LIN9: variants seen among roughly 807,000 people sequenced by gnomAD.
LIN9 encodes protein lin-9 homolog.
In LIN9, 18 loss-of-function variants were observed where a neutral mutation model predicts 78.0. That is an observed-to-expected ratio of 0.23 (90% CI 0.16 to 0.34). The LOEUF (loss-of-function observed/expected upper bound fraction) is 0.34, where lower values mean the gene tolerates loss of function less well. LIN9 is among the 10% of genes least tolerant of loss of function. The probability of loss-of-function intolerance (pLI) is 1.00; values close to 1 mark genes in which losing one functional copy is unlikely to be tolerated. For missense variants in LIN9, 451 were observed against 644.1 expected (o/e 0.70, Z 3.25); for synonymous variants, 192 against 215.2 (o/e 0.89, Z 0.94).
chr1:226,271,547 ATGTATTCTGCAGT>A (rs985250461), intron 7 of LIN9, among the ~76,000 whole-genome samples: 4 of 152,192 alleles, frequency 2.6e-5, no homozygotes, highest in African/African-American at 9.7e-5. Flanking sequence ...TGTAAATAAT[ATGTATTCTGCAGT>A]TGAGTGTATT....
intron 10 of LIN9, among the ~76,000 whole-genome samples, chr1:226,258,706 C>T (rs771699314): frequency 2.7e-5 from 4 of 150,728 alleles, no homozygotes; most frequent in South Asian, 2.1e-4. Flanking sequence ...CTGGCTAACA[C>T]GGTGAAACCC....
At chr1:226,302,686 G>A (rs746106547) in intron 1 of LIN9, among the ~76,000 whole-genome samples, 1 of 152,126 alleles carries the variant, frequency 6.6e-6, no homozygotes, top group African/African-American at 2.4e-5. Context: ...GATGATCTCA[G>A]GGGATTAAAT....
chr1:226,257,736 AAG>A (rs1220344941), intron 10 of LIN9, among the ~76,000 whole-genome samples: 1 of 152,210 alleles, frequency 6.6e-6, no homozygotes, highest in African/African-American at 2.4e-5. Context: ...AACACAAAAA[AAG>A]AGTGGAATAT....
chr1:226,297,880 G>GT (rs1662255188), intron 2 of LIN9, 67 bp from the exon 3 acceptor site: 5 of 734,556 alleles, frequency 6.8e-6, no homozygotes, highest in Non-Finnish European at 1.0e-5. Flanking sequence ...CATGAATACT[G>GT]TTTTTTTCAT....
chr1:226,246,879 G>A (rs1414896693), intron 11 of LIN9, among the ~76,000 whole-genome samples: 3 of 151,460 alleles, frequency 2.0e-5, no homozygotes, highest in Non-Finnish European at 4.4e-5. Context: ...ATTTATCTGT[G>A]GCTTGTTGCC....
intron 7 of LIN9, among the ~76,000 whole-genome samples, chr1:226,269,647 A>G (rs926330878): frequency 2.6e-5 from 4 of 152,196 alleles, no homozygotes; most frequent in Non-Finnish European, 5.9e-5. Flanking sequence ...TTGACTGGTC[A>G]TGAAAGACAG....
At chr1:226,248,290 T>G (rs1175961204) in intron 11 of LIN9, among the ~76,000 whole-genome samples, 4 of 152,226 alleles carry the variant, frequency 2.6e-5, no homozygotes, top group Non-Finnish European at 5.9e-5. Context: ...TCATCATATT[T>G]GCCAACTCTG....
chr1:226,243,549 A>G (rs1658249343), intron 11 of LIN9, among the ~76,000 whole-genome samples: 1 of 151,976 alleles, frequency 6.6e-6, no homozygotes, highest in Non-Finnish European at 1.5e-5. Flanking sequence ...ACACAAAATT[A>G]GCTGGGCGTG....
chr1:226,305,918 A>G (rs1454943637), intron 1 of LIN9, among the ~76,000 whole-genome samples: 2 of 152,130 alleles, frequency 1.3e-5, no homozygotes, highest in Admixed American at 6.6e-5. Context: ...TGGTAAAGAG[A>G]AGAAATGGTA....
chr1:226,293,651 C>G (rs1661934158), intron 4 of LIN9, among the ~76,000 whole-genome samples: 1 of 152,152 alleles, frequency 6.6e-6, no homozygotes, highest in South Asian at 2.1e-4. Flanking sequence ...GTGATCTCGG[C>G]TCACTGCAAC....
chr1:226,261,635 TAA>T (rs1342502216), intron 10 of LIN9, among the ~76,000 whole-genome samples: 2 of 152,078 alleles, frequency 1.3e-5, no homozygotes, highest in African/African-American at 4.8e-5. Context: ...ACTAAATAAA[TAA>T]GAGATATTTC....
chr1:226,289,214 G>A (rs147560531), intron 4 of LIN9, among the ~76,000 whole-genome samples: 205 of 151,342 alleles, frequency 1.4e-3, no homozygotes, highest in African/African-American at 4.7e-3. Context: ...CAGCCTGGGC[G>A]ACAGAGTGAG....
intron 11 of LIN9, among the ~76,000 whole-genome samples, chr1:226,240,250 T>G (rs927630165): frequency 6.6e-6 from 1 of 152,200 alleles, no homozygotes. Flanking sequence ...GTGGTTTTGT[T>G]GTTGTTGTTT....
intron 6 of LIN9, among the ~76,000 whole-genome samples, 169 bp downstream of exon 6, chr1:226,286,164 G>A (rs927727016): frequency 5.9e-5 from 9 of 151,882 alleles, no homozygotes; most frequent in African/African-American, 1.9e-4. Context: ...TGTTGCCCAG[G>A]CTAGAGTGCA....
chr1:226,233,277 T>C, intron 13 of LIN9, 67 bp downstream of exon 13: 1 of 1,527,660 alleles, frequency 6.5e-7, no homozygotes, highest in South Asian at 1.2e-5. Context: ...ATGAATTAAT[T>C]TCTTAGCAAC....
At position 226,302,547 on chromosome 1, in the gene LIN9, CAAA is replaced by C. The variant is rs750572116; in HGVS notation, c.32-1345_32-1343del. Among the ~76,000 whole-genome samples the C allele has an allele frequency of 9.1e-4, 72 of 79,118 alleles. 1 individual carries two copies. Among genetic ancestry groups the C allele is most frequent in the African/African-American group, 2.9e-3 (64 of 21,812 alleles). The allele number at this position is 79,118 out of a possible 152,430, so 51.9% of individuals were successfully genotyped here. On this transcript the variant is annotated intron_variant, in intron 1 of 14. Coordinates refer to ENST00000681046, the MANE Select transcript of LIN9 (RefSeq NM_001366245.2). ...GGGTGACAGAGTGAGACTCCATGTC[CAAA>C]AAAAAAAAAAAAACAAACCAATAGA...
chr1:226,240,298 C>T (rs1464545802), intron 11 of LIN9, among the ~76,000 whole-genome samples: 3 of 151,890 alleles, frequency 2.0e-5, no homozygotes, highest in South Asian at 4.2e-4. Context: ...AGGCTAGACT[C>T]GAACTCCTGG....
intron 7 of LIN9, among the ~76,000 whole-genome samples, chr1:226,277,216 G>GAAAAAAAAAAAAAAAAAAAAA: frequency 1.1e-5 from 1 of 91,464 alleles, no homozygotes; most frequent in Non-Finnish European, 2.2e-5. Flanking sequence ...GTCTCAAAAA[G>GAAAAAAAAAAAAAAAAAAAAA]AAAAAAAAAA....
intron 10 of LIN9, among the ~76,000 whole-genome samples, chr1:226,263,967 CTTGGGAGGCTGAG>C (rs1659757462): frequency 6.6e-6 from 1 of 152,124 alleles, no homozygotes; most frequent in African/African-American, 2.4e-5. Context: ...GTCTCAGCTA[CTTGGGAGGCTGAG>C]GTGGGAGGAC....
Sources: allele counts gnomAD v4.1 joint callset (sites outside exome capture counted in the v4.1 genomes callset), GRCh38; gene constraint gnomAD v4.1.1; transcripts MANE v1.5; gene names NCBI Gene and HGNC (gene_info 2026-07-23, HGNC 2026-07-21).